GABBR2: variants seen among roughly 807,000 people sequenced by gnomAD.
The protein encoded by GABBR2 is gamma-aminobutyric acid type B receptor subunit 2.
Under a neutral mutation model 105.6 loss-of-function variants are expected in GABBR2, and 23 were observed. That is an observed-to-expected ratio of 0.22 (90% CI 0.16 to 0.31). The LOEUF is 0.31. GABBR2 is among the 10% of genes least tolerant of loss of function. The pLI is 1.00. For missense variants in GABBR2, 734 were observed against 1,245.5 expected (o/e 0.59, Z 6.18); for synonymous variants, 478 against 499.7 (o/e 0.96, Z 0.58).
intron 2 of GABBR2, among the ~76,000 whole-genome samples, chr9:98,567,358 G>A (rs966567113): frequency 1.3e-5 from 2 of 152,178 alleles, no homozygotes; most frequent in African/African-American, 2.4e-5. Context: ...CCCTGCCCTC[G>A]ATAGCATCCA....
At chr9:98,620,558 T>C (rs550623950) in intron 1 of GABBR2, among the ~76,000 whole-genome samples, 1 of 152,218 alleles carries the variant, frequency 6.6e-6, no homozygotes, top group African/African-American at 2.4e-5. Flanking sequence ...CCACCCTTGA[T>C]TTTTTAAATG....
At position 98,473,192 on chromosome 9, in the gene GABBR2, T is replaced by G; in HGVS notation, c.953A>C (p.Asp318Ala). 1 of 1,613,912 alleles carries G rather than the reference T, an allele frequency of 6.2e-7. No individual in the cohort carries two copies. Residue 318 changes from aspartate (D) to alanine (A), a missense_variant, in exon 6 of 19, where the codon GAT becomes GCT. Asp to Ala is a moderately radical substitution (Grantham distance 126). Coordinates refer to ENST00000259455, the MANE Select transcript of GABBR2 (RefSeq NM_005458.8). ...CTGCTTGGAGCTCAGGGGCTCGAAATCCACGCCAATGTAGCCCTCCATGGC... is the reference window on the plus strand; with the variant it reads ...CTGCTTGGAGCTCAGGGGCTCGAAAGCCACGCCAATGTAGCCCTCCATGGC... ...LAAMEGYIGV[D>A]FEPLSSKQIK...
At chr9:98,648,116 T>TGTGTATAGATAGATAGATAG in intron 1 of GABBR2, among the ~76,000 whole-genome samples, 1,201 of 55,864 alleles carry the variant, frequency 0.021, 28 homozygotes, top group Non-Finnish European at 0.028. Flanking sequence ...TGTGTGTGTG[T>TGTGTATAGATAGATAGATAG]ATAGATAGAT....
chr9:98,566,853 A>G (rs1335340591), intron 2 of GABBR2, among the ~76,000 whole-genome samples: 1 of 151,794 alleles, frequency 6.6e-6, no homozygotes, highest in African/African-American at 2.4e-5. Flanking sequence ...AGAAAGAAGA[A>G]GAAAGAAGAA....
chr9:98,582,745 A>G (rs1321553970), intron 1 of GABBR2, among the ~76,000 whole-genome samples: 2 of 152,208 alleles, frequency 1.3e-5, no homozygotes, highest in South Asian at 4.1e-4. Flanking sequence ...AAGGATAGAA[A>G]TGAGAGAGGT....
chr9:98,290,688 C>A lies in GABBR2; in HGVS notation c.2722G>T (p.Gly908Ter). The A allele has an allele frequency of 6.8e-7, 1 of 1,480,460 alleles. No homozygotes were observed. Among genetic ancestry groups the A allele is most frequent in the East Asian group, 2.7e-5 (1 of 36,368 alleles). 91.7% of individuals were successfully genotyped at this position (1,480,460 alleles called of 1,614,324 possible). A position where few individuals can be genotyped will look rare whatever the true frequency, so the allele number is the denominator to read the frequency against. ...CTGACACAGCTGGCGTCCACGCCTC[C>A]GATGGATGGGAGGTAGGCGTGGTGG... ...ILHHAYLPSI[G>*]GVDASCVSPC... Residue 908 changes from glycine to a stop codon, truncating the protein, a stop_gained, in exon 19 of 19, where the codon GGA (glycine) becomes TGA (stop). Coordinates refer to ENST00000259455, the MANE Select transcript of GABBR2 (RefSeq NM_005458.8). LOFTEE classifies it high-confidence loss of function.
At chr9:98,636,730 G>T (rs547794201) in intron 1 of GABBR2, among the ~76,000 whole-genome samples, 2 of 152,020 alleles carry the variant, frequency 1.3e-5, no homozygotes, top group South Asian at 4.2e-4. Context: ...CTGAGCTCAG[G>T]CAATCTGCCC....
At chr9:98,466,593 A>T (rs1385033546) in intron 6 of GABBR2, among the ~76,000 whole-genome samples, 3 of 151,902 alleles carry the variant, frequency 2.0e-5, no homozygotes, top group African/African-American at 7.2e-5. Flanking sequence ...TTTGTTGAGC[A>T]CCTACTATGT....
chr9:98,605,399 A>G (rs1299391007), intron 1 of GABBR2, among the ~76,000 whole-genome samples: 1 of 152,134 alleles, frequency 6.6e-6, no homozygotes, highest in African/African-American at 2.4e-5. Flanking sequence ...GCCACTCGCC[A>G]CCCTGAGGCT....
intron 3 of GABBR2, among the ~76,000 whole-genome samples, chr9:98,513,435 A>G (rs1005715203): frequency 6.0e-4 from 92 of 152,288 alleles, no homozygotes; most frequent in Non-Finnish European, 1.2e-3. Context: ...GAACTTCTGC[A>G]CAGCAAAAGA....
In GABBR2 at chr9:98,454,292, C is replaced by A; in HGVS notation, c.1000-75G>T. The A allele has an allele frequency of 4.0e-6, 4 of 989,934 alleles. No homozygotes were observed. The highest frequency in any genetic ancestry group is 6.5e-6 in the Non-Finnish European group (4 of 615,556). The allele number at this position is 989,934 out of a possible 1,614,324, so 61.3% of individuals were successfully genotyped here. ...ATCAGGTGCCTGATGCCGAGAAGAG[C>A]TGCTATTCTTCAATGCCCACAGGGT... On this transcript the variant is annotated intron_variant, in intron 6 of 18. Transcript: ENST00000259455. This position sits in a 1 kb window ranked among gnomAD's most constrained non-coding sequence, Gnocchi z 4.6.
chr9:98,389,180 T>C (rs1452707236), intron 9 of GABBR2, among the ~76,000 whole-genome samples, 176 bp from the exon 10 acceptor site: 1 of 152,230 alleles, frequency 6.6e-6, no homozygotes, highest in Non-Finnish European at 1.5e-5. Context: ...ACAGGGAGCC[T>C]GAGCTAGGAC....
chr9:98,618,520 CTG>C (rs1305979931), intron 1 of GABBR2, among the ~76,000 whole-genome samples: 6 of 147,662 alleles, frequency 4.1e-5, no homozygotes, highest in African/African-American at 1.5e-4. Flanking sequence ...CTCTCTCTCT[CTG>C]TCTCTCTGAC....
chr9:98,573,382 G>T (rs10986792), intron 2 of GABBR2, among the ~76,000 whole-genome samples: 50,248 of 151,962 alleles, frequency 0.33, 8,472 homozygotes, highest in East Asian at 0.54. Flanking sequence ...TCCTAGGCTT[G>T]AGCAATCCAC....
chr9:98,381,750 C>T (rs1225626942), intron 11 of GABBR2, among the ~76,000 whole-genome samples: 6 of 152,154 alleles, frequency 3.9e-5, no homozygotes, highest in Admixed American at 6.5e-5. Context: ...AATATCTTTT[C>T]GGGCCCTCAT....
chr9:98,300,947 A>T (rs1830459420), intron 16 of GABBR2, among the ~76,000 whole-genome samples: 1 of 152,204 alleles, frequency 6.6e-6, no homozygotes, highest in African/African-American at 2.4e-5. Flanking sequence ...ATAAAAACTC[A>T]AAAGAACAGG....
At chr9:98,444,879 GCACACA>G (rs34280193) in intron 7 of GABBR2, among the ~76,000 whole-genome samples, 3,319 of 150,988 alleles carry the variant, frequency 0.022, 114 homozygotes, top group African/African-American at 0.073. Flanking sequence ...GCGCGCGCGC[GCACACA>G]CACACACACA....
At chr9:98,427,543 A>G (rs535128284) in intron 7 of GABBR2, among the ~76,000 whole-genome samples, 1 of 151,790 alleles carries the variant, frequency 6.6e-6, no homozygotes, top group Admixed American at 6.6e-5. Flanking sequence ...GCCCCAAATG[A>G]CTCTTGCCTC....
chr9:98,308,830 C>T (rs1264029051), intron 14 of GABBR2, among the ~76,000 whole-genome samples: 1 of 152,230 alleles, frequency 6.6e-6, no homozygotes, highest in African/African-American at 2.4e-5. Context: ...TTGTAAGCCA[C>T]TGTTTTGTGG....
Sources: allele counts gnomAD v4.1 joint callset (sites outside exome capture counted in the v4.1 genomes callset), GRCh38; gene constraint gnomAD v4.1.1; non-coding constraint Gnocchi (gnomAD v3.1); transcripts MANE v1.5; gene names NCBI Gene and HGNC (gene_info 2026-07-23, HGNC 2026-07-21).